FARS2: variants seen among roughly 807,000 people sequenced by gnomAD.
FARS2 encodes the protein phenylalanine--tRNA ligase, mitochondrial.
A neutral mutation model predicts 46.4 loss-of-function variants in FARS2; 40 were observed. That is an observed-to-expected ratio of 0.86 (90% confidence interval 0.67 to 1.12). The LOEUF is 1.12. Among genes scored for constraint, FARS2 ranks in the 50% most tolerant of loss-of-function variants. The pLI, the probability that FARS2 is intolerant of heterozygous loss-of-function variation, is 0.00. For missense variants in FARS2, 513 were observed against 567.9 expected (o/e 0.90, Z 0.98); for synonymous variants, 234 against 214.9 (o/e 1.09, Z -0.78).
chr6:5,654,694 GA>G (rs932918201), intron 6 of FARS2, among the ~76,000 whole-genome samples: 1 of 152,042 alleles, frequency 6.6e-6, no homozygotes, highest in Non-Finnish European at 1.5e-5. Context: ...CCCTCGGTGG[GA>G]GGTTTCAGTA....
intron 2 of FARS2, among the ~76,000 whole-genome samples, chr6:5,401,014 C>T (rs1761224331): frequency 6.6e-6 from 1 of 151,770 alleles, no homozygotes; most frequent in Non-Finnish European, 1.5e-5. Context: ...ATCCATTTGC[C>T]TGTTATATTC....
Position 5,341,220 on chromosome 6 carries a change from TATATATA to T in FARS2, c.-21-27329_-21-27323del, listed in dbSNP as rs1561969982. On this transcript the variant is annotated intron_variant, in intron 1 of 6. Transcript: ENST00000274680. ...ATATATATATATATATATATATATA[TATATATA>T]TATATATATTTTTTTTTTTTTTTTT... Among the ~76,000 whole-genome samples, 31 of 7,690 alleles carry T rather than the reference TATATATA, an allele frequency of 4.0e-3. 3 individuals are homozygous for T. Among genetic ancestry groups the T allele is most frequent in the African/African-American group, 4.9e-3 (10 of 2,022 alleles). 5.0% of individuals were successfully genotyped at this position (7,690 alleles called of 152,430 possible).
intron 6 of FARS2, among the ~76,000 whole-genome samples, chr6:5,637,690 T>G (rs1289307895): frequency 3.3e-5 from 5 of 152,224 alleles, no homozygotes; most frequent in African/African-American, 1.2e-4. Flanking sequence ...ATTTATTTCC[T>G]TACAGTCCTG....
At chr6:5,725,351 T>G (rs1299639815) in intron 6 of FARS2, among the ~76,000 whole-genome samples, 1 of 152,150 alleles carries the variant, frequency 6.6e-6, no homozygotes, top group Non-Finnish European at 1.5e-5. Context: ...GAGTAAGAAG[T>G]TGGAACTGCG....
chr6:5,499,454 A>T (rs554405307), intron 4 of FARS2, among the ~76,000 whole-genome samples: 1 of 152,314 alleles, frequency 6.6e-6, no homozygotes, highest in African/African-American at 2.4e-5. Flanking sequence ...TGGTTAGAAT[A>T]AGGTCAGAAG....
At chr6:5,389,410 T>G (rs1760344740) in intron 2 of FARS2, among the ~76,000 whole-genome samples, 1 of 152,164 alleles carries the variant, frequency 6.6e-6, no homozygotes, top group African/African-American at 2.4e-5. Flanking sequence ...TATGACCTCC[T>G]TTCTTTCATG....
intron 6 of FARS2, among the ~76,000 whole-genome samples, chr6:5,729,552 G>A (rs1322800929): frequency 6.6e-6 from 1 of 152,202 alleles, no homozygotes; most frequent in Non-Finnish European, 1.5e-5. Context: ...CAAAGATGAG[G>A]TTTATGCTCA....
chr6:5,616,549 G>A (rs138178712), intron 6 of FARS2, among the ~76,000 whole-genome samples: 1 of 152,312 alleles, frequency 6.6e-6, no homozygotes, highest in African/African-American at 2.4e-5. Flanking sequence ...ATATCTTGGG[G>A]ATGGGACCCA....
At chr6:5,303,493 G>T (rs534459716) in intron 1 of FARS2, among the ~76,000 whole-genome samples, 2 of 152,154 alleles carry the variant, frequency 1.3e-5, no homozygotes, top group South Asian at 4.2e-4. Context: ...TTTACCTCCT[G>T]TGTCTTCATC....
chr6:5,389,664 T>C (rs1760364053), intron 2 of FARS2, among the ~76,000 whole-genome samples: 1 of 152,216 alleles, frequency 6.6e-6, no homozygotes, highest in African/African-American at 2.4e-5. Flanking sequence ...AGTGGCTAAC[T>C]GACTTACCAC....
intron 1 of FARS2, among the ~76,000 whole-genome samples, chr6:5,350,018 G>C (rs572553387): frequency 1.3e-5 from 2 of 152,050 alleles, no homozygotes; most frequent in African/African-American, 4.8e-5. Flanking sequence ...GTGTTTGTCA[G>C]ATTTCTCCAT....
chr6:5,548,256 A>G (rs1771163238), intron 5 of FARS2, among the ~76,000 whole-genome samples: 1 of 152,154 alleles, frequency 6.6e-6, no homozygotes, highest in African/African-American at 2.4e-5. Flanking sequence ...TTGGGCGGGG[A>G]CACAGCCAAA....
At chr6:5,759,437 G>GTTTGT (rs1448679081) in intron 6 of FARS2, among the ~76,000 whole-genome samples, 2 of 152,116 alleles carry the variant, frequency 1.3e-5, no homozygotes, top group South Asian at 4.1e-4. Flanking sequence ...GTCATGTCTT[G>GTTTGT]TTTGTTTTGT....
intron 6 of FARS2, among the ~76,000 whole-genome samples, chr6:5,642,775 T>C (rs1440595729): frequency 6.6e-6 from 1 of 152,218 alleles, no homozygotes; most frequent in African/African-American, 2.4e-5. Context: ...TTGTGTGCTG[T>C]AGTTGCTCGT....
At chr6:5,640,336 T>A (rs1472543411) in intron 6 of FARS2, among the ~76,000 whole-genome samples, 1 of 152,140 alleles carries the variant, frequency 6.6e-6, no homozygotes, top group Non-Finnish European at 1.5e-5. Context: ...CATTAAGCAG[T>A]CATGGCAGGA....
intron 1 of FARS2, among the ~76,000 whole-genome samples, chr6:5,320,109 A>G (rs1581773782): frequency 6.6e-6 from 1 of 152,242 alleles, no homozygotes; most frequent in Admixed American, 6.5e-5. Flanking sequence ...GCAAATGTCC[A>G]TCGTGACTCT....
intron 4 of FARS2, among the ~76,000 whole-genome samples, chr6:5,480,410 A>G (rs1484126323): frequency 6.6e-6 from 1 of 152,246 alleles, no homozygotes; most frequent in Admixed American, 6.5e-5. Context: ...ATACAGCTCA[A>G]AAAAAGTAAG....
Position 5,708,018 on chromosome 6 carries a change from G to C in FARS2, c.1218-63273G>C, listed in dbSNP as rs1009323297. On this transcript the variant is annotated intron_variant, in intron 6 of 6. Coordinates refer to ENST00000274680, the MANE Select transcript of FARS2 (RefSeq NM_006567.5). ...GGTGCCATTGGAATTGAACCTTGGAGAATAAGCAAGAATTCCCCCAGGTGG... is the reference window on the plus strand; with the variant it reads ...GGTGCCATTGGAATTGAACCTTGGACAATAAGCAAGAATTCCCCCAGGTGG... Among the ~76,000 whole-genome samples the C allele has an allele frequency of 3.9e-5, 6 of 152,222 alleles. 1 individual carries two copies. Among genetic ancestry groups the C allele is most frequent in the African/African-American group, 1.4e-4 (6 of 41,442 alleles).
chr6:5,587,316 T>G (rs2142737), intron 5 of FARS2, among the ~76,000 whole-genome samples: 2 of 151,966 alleles, frequency 1.3e-5, no homozygotes, highest in Admixed American at 1.3e-4. Flanking sequence ...GTTCATAGAA[T>G]TTCAGATTAA....
Sources: gnomAD v4.1 joint callset for allele counts (sites outside exome capture counted in the v4.1 genomes callset) on GRCh38, gnomAD v4.1.1 for gene constraint, MANE v1.5 for transcripts, NCBI Gene and HGNC (gene_info 2026-07-23, HGNC 2026-07-21) for gene names.